The following FBXO6 variants were observed in gnomAD, a reference collection of about 807,000 sequenced individuals.
FBXO6 encodes F-box only protein 6.
In FBXO6, 13 loss-of-function variants were observed where a neutral mutation model predicts 25.0. That is an observed-to-expected ratio of 0.52 (90% CI 0.34 to 0.83). FBXO6 has a LOEUF of 0.83. Ranked by LOEUF, FBXO6 falls within the 40% of genes least tolerant of loss-of-function variation. The pLI, the probability that FBXO6 is intolerant of heterozygous loss-of-function variation, is 0.02. For synonymous variants in FBXO6, 138 were observed against 155.3 expected (o/e 0.89, Z 0.83); for missense variants, 370 against 380.2 (o/e 0.97, Z 0.22).
intron 4 of FBXO6, among the ~76,000 whole-genome samples, chr1:11,672,265 C>T (rs1034768797): frequency 6.6e-6 from 1 of 152,118 alleles, no homozygotes; most frequent in Non-Finnish European, 1.5e-5. Context: ...GGCTGAGGCC[C>T]CCAGGTGCAC....
chr1:11,668,515 G>A, intron 1 of FBXO6, 141 bp from the exon 2 acceptor site: 2 of 1,054,542 alleles, frequency 1.9e-6, no homozygotes, highest in East Asian at 2.6e-5. Flanking sequence ...CTCTGCCTCA[G>A]CCTCCCAAGT....
rs114576758 is a variant in FBXO6, at chr1:11,672,076, C to T, written c.509+53C>T. 6.8e-4 allele frequency: 1,006 copies of T among 1,471,858 alleles called. 3 individuals are homozygous for T. The African/African-American group carries it at 0.012, about 17-fold the overall frequency. The allele number at this position is 1,471,858 out of a possible 1,614,324, so 91.2% of individuals were successfully genotyped here. A position where few individuals can be genotyped will look rare whatever the true frequency, so the allele number is the denominator to read the frequency against. ...CACACTCTACATGCTCCTCTTACTGCGCTGCATGTACGTGAGACAACCCAT... is the reference window on the plus strand; with the variant it reads ...CACACTCTACATGCTCCTCTTACTGTGCTGCATGTACGTGAGACAACCCAT... On this transcript the variant is annotated intron_variant, in intron 4 of 5. Coordinates refer to ENST00000376753, the MANE Select transcript of FBXO6 (RefSeq NM_018438.6).
Position 11,668,853 on chromosome 1 carries a change from C to T in FBXO6, c.195C>T (p.Thr65=), listed in dbSNP as rs1373857770. The change falls in exon 2 of 6, where the codon ACC becomes ACT. Residue 65 remains threonine, a synonymous_variant. Coordinates refer to ENST00000376753, the MANE Select transcript of FBXO6 (RefSeq NM_018438.6). ...KRKCLREGFI[T]KDWDQPVADW... is the part of the protein sequence containing the mutation. ...AGTGCCTGCGAGAGGGCTTCATCAC[C>T]AAGGACTGGGACCAGCCCGTGGCCG... 7.4e-6 allele frequency: 12 copies of T among 1,614,170 alleles called. No homozygotes were observed. Among genetic ancestry groups the T allele is most frequent in the Non-Finnish European group, 1.0e-5 (12 of 1,180,030 alleles).
At chr1:11,666,147 T>G (rs1228369613) in intron 1 of FBXO6, among the ~76,000 whole-genome samples, 1 of 148,412 alleles carries the variant, frequency 6.7e-6, no homozygotes, top group Non-Finnish European at 1.5e-5. Context: ...TTCCCTAGAG[T>G]GTGACCTCGG....
At chr1:11,666,952 G>T (rs1297246343) in intron 1 of FBXO6, among the ~76,000 whole-genome samples, 1 of 151,726 alleles carries the variant, frequency 6.6e-6, no homozygotes, top group Non-Finnish European at 1.5e-5. Flanking sequence ...TTCAAAACCA[G>T]CCTGGCCAAC....
Position 11,673,472 on chromosome 1 carries a change from G to A in FBXO6, c.645+60G>A. 6.3e-7 allele frequency: 1 copy of A among 1,596,920 alleles called. No homozygotes were observed. The highest frequency in any genetic ancestry group is 8.6e-7 in the Non-Finnish European group (1 of 1,169,420). On this transcript the variant is annotated intron_variant, in intron 5 of 5. Transcript: ENST00000376753. This position sits in a 1 kb window ranked among gnomAD's most constrained non-coding sequence, Gnocchi z 4.3. ...CCTCCCAGGGCCAGGATGGCAGGAA[G>A]CAAAGGGCAGCCTCAGGGCCCAGGG... is the stretch of plus-strand genomic sequence containing the variant.
chr1:11,672,726 A>G (rs28926168), intron 4 of FBXO6, among the ~76,000 whole-genome samples: 2,308 of 151,804 alleles, frequency 0.015, 66 homozygotes, highest in African/African-American at 0.052. Context: ...TGGAGCTCCT[A>G]CTCTGTGCAC....
intron 4 of FBXO6, 102 bp downstream of exon 4, chr1:11,672,125 A>G (rs1640635735): frequency 9.4e-7 from 1 of 1,060,968 alleles, no homozygotes; most frequent in Middle Eastern, 2.1e-4. Context: ...TCTGCACAGC[A>G]GTGCCCTGGA....
At chr1:11,668,112 T>C (rs1640495462) in intron 1 of FBXO6, among the ~76,000 whole-genome samples, 2 of 149,136 alleles carry the variant, frequency 1.3e-5, no homozygotes, top group Non-Finnish European at 1.5e-5. Flanking sequence ...AAAAAAAGAT[T>C]TTATATTCTA....
chr1:11,668,004 A>C (rs1268741894), intron 1 of FBXO6, among the ~76,000 whole-genome samples: 1 of 151,040 alleles, frequency 6.6e-6, no homozygotes, highest in African/African-American at 2.4e-5. Flanking sequence ...AGGCAGGAGA[A>C]TCGCTTGAAC....
At chr1:11,666,037 CTTTTTTTTTTTT>C (rs70983580) in intron 1 of FBXO6, among the ~76,000 whole-genome samples, 1 of 97,388 alleles carries the variant, frequency 1.0e-5, no homozygotes, top group African/African-American at 4.6e-5. Context: ...TTTCTTTTCT[CTTTTTTTTTTTT>C]TTTTTTTTTG....
chr1:11,665,215 CTTTTTTT>C lies in FBXO6; in HGVS notation c.-4+981_-4+987del, dbSNP rs541103021. ...ACGGGCCACCAGGCCTAGCTAATTTCTTTTTTTTTTTTTTTTTTTTTTTTTTTGAGAC... is the reference window on the plus strand; with the variant it reads ...ACGGGCCACCAGGCCTAGCTAATTTCTTTTTTTTTTTTTTTTTTTTGAGAC... On this transcript the variant is annotated intron_variant, in intron 1 of 5. Coordinates refer to ENST00000376753, the MANE Select transcript of FBXO6 (RefSeq NM_018438.6). Among the ~76,000 whole-genome samples the C allele has an allele frequency of 6.2e-3, 380 of 61,580 alleles. 4 individuals carry two copies. The East Asian group carries it at 0.067, about 11-fold the overall frequency. 40.4% of individuals were successfully genotyped at this position (61,580 alleles called of 152,430 possible). A position where few individuals can be genotyped will look rare whatever the true frequency, so the allele number is the denominator to read the frequency against.
At chr1:11,672,167 G>A (rs1640636825) in intron 4 of FBXO6, 144 bp downstream of exon 4, 2 of 687,078 alleles carry the variant, frequency 2.9e-6, no homozygotes, top group Admixed American at 4.9e-5. Flanking sequence ...CCCCTGCTCT[G>A]CACCCACACC....
At chr1:11,664,610 AC>A (rs1229756196) in intron 1 of FBXO6, 1 of 151,836 alleles carries the variant, frequency 6.6e-6, no homozygotes, top group Admixed American at 6.6e-5. Context: ...GGCCGCCTCC[AC>A]CCCGGCCACA....
intron 1 of FBXO6, among the ~76,000 whole-genome samples, chr1:11,667,176 C>G (rs1488045247): frequency 6.6e-6 from 1 of 151,668 alleles, no homozygotes; most frequent in Non-Finnish European, 1.5e-5. Context: ...AAAAAAGAGG[C>G]CAGCAAGGTT....
In FBXO6 at chr1:11,668,829, G is replaced by C; in HGVS notation, c.171G>C (p.Lys57Asn). The change falls in exon 2 of 6, where the codon AAG (lysine) becomes AAC (asparagine). Residue 57 changes from lysine (K) to asparagine (N), a missense_variant. Lys to Asn is a moderately conservative substitution (Grantham distance 94). Transcript: ENST00000376753. ...LIDLMTLWKR[K>N]CLREGFITKD... ...ACCTCATGACCCTCTGGAAACGCAA[G>C]TGCCTGCGAGAGGGCTTCATCACCA... 1 of 1,614,182 alleles carries C rather than the reference G, an allele frequency of 6.2e-7. No individual in the cohort carries two copies. Among genetic ancestry groups the C allele is most frequent in the Non-Finnish European group, 8.5e-7 (1 of 1,180,040 alleles).
chr1:11,665,420 T>C (rs1173605094), intron 1 of FBXO6, among the ~76,000 whole-genome samples: 2 of 150,952 alleles, frequency 1.3e-5, no homozygotes, highest in Non-Finnish European at 2.9e-5. Flanking sequence ...CAAGCCCGGC[T>C]AATTTTTTGT....
At chr1:11,667,104 G>A (rs371325055) in intron 1 of FBXO6, among the ~76,000 whole-genome samples, 6 of 151,474 alleles carry the variant, frequency 4.0e-5, no homozygotes, top group East Asian at 3.9e-4. Context: ...CCGAGATCAC[G>A]CCATTGCACT....
intron 4 of FBXO6, 66 bp downstream of exon 4, chr1:11,672,089 T>C: frequency 7.1e-7 from 1 of 1,407,888 alleles, no homozygotes; most frequent in African/African-American, 1.4e-5. Flanking sequence ...TGCATGTACG[T>C]GAGACAACCC....
Sources: allele counts gnomAD v4.1 joint callset (sites outside exome capture counted in the v4.1 genomes callset), GRCh38; gene constraint gnomAD v4.1.1; non-coding constraint Gnocchi (gnomAD v3.1); transcripts MANE v1.5; gene names NCBI Gene and HGNC (gene_info 2026-07-23, HGNC 2026-07-21).